NF1: variants seen among roughly 807,000 people sequenced by gnomAD.
NF1 encodes the protein neurofibromin 1.
Under a neutral mutation model 325.7 loss-of-function variants are expected in NF1, and 122 were observed. That is an observed-to-expected ratio of 0.37 (90% CI 0.32 to 0.44). The LOEUF (loss-of-function observed/expected upper bound fraction) is 0.44. Ranked by LOEUF, NF1 falls within the 20% of genes least tolerant of loss-of-function variation. NF1 has a pLI of 1.00. For missense variants in NF1, 2,140 were observed against 3,415.4 expected (o/e 0.63, Z 9.31); for synonymous variants, 1,091 against 1,186.0 (o/e 0.92, Z 1.65).
chr17:31,283,097 G>GT (rs2068153149), intron 36 of NF1, among the ~76,000 whole-genome samples: 1 of 152,114 alleles, frequency 6.6e-6, no homozygotes, highest in African/African-American at 2.4e-5. Flanking sequence ...GAGAATCTAG[G>GT]TTTTGTATGT....
At chr17:31,214,724 G>A (rs991909632) in intron 13 of NF1, 139 bp downstream of exon 13, 67 of 705,846 alleles carry the variant, frequency 9.5e-5, no homozygotes, top group Middle Eastern at 7.6e-4. Context: ...AAACTAAGAC[G>A]TCTCTAAGAA....
At chr17:31,172,350 T>C (rs1252045641) in intron 5 of NF1, among the ~76,000 whole-genome samples, 1 of 38,538 alleles carries the variant, frequency 2.6e-5, no homozygotes, top group African/African-American at 4.4e-5. Context: ...TCTGTCTCTC[T>C]GTCTCTCTCT....
At chr17:31,127,315 T>C (rs1012451729) in intron 1 of NF1, among the ~76,000 whole-genome samples, 4 of 152,190 alleles carry the variant, frequency 2.6e-5, no homozygotes, top group Non-Finnish European at 4.4e-5. Context: ...GGATTTTGAA[T>C]GGTATTGCAT....
At chr17:31,301,539 A>C (rs1162644467) in intron 36 of NF1, among the ~76,000 whole-genome samples, 14 of 152,182 alleles carry the variant, frequency 9.2e-5, no homozygotes, top group Non-Finnish European at 1.3e-4. Context: ...TTCAGTAAGA[A>C]CAACAGTTAA....
At chr17:31,320,258 AGATTT>A in intron 36 of NF1, 1 of 742,630 alleles carries the variant, frequency 1.3e-6, no homozygotes, top group Admixed American at 3.2e-5. Context: ...TGTTCTCCTG[AGATTT>A]ACTAAATGAA....
intron 1 of NF1, among the ~76,000 whole-genome samples, chr17:31,107,582 AAAAT>A (rs945041929): frequency 1.2e-4 from 19 of 152,030 alleles, no homozygotes; most frequent in Non-Finnish European, 1.2e-4. Flanking sequence ...TGTCTCTGAA[AAAAT>A]AAATAAATAA....
intron 35 of NF1, 139 bp downstream of exon 35, chr17:31,261,996 C>G: frequency 2.7e-6 from 2 of 731,996 alleles, no homozygotes; most frequent in Non-Finnish European, 4.6e-6. Context: ...TTTGGGGAAT[C>G]CAACTATATA....
chr17:31,216,940 G>A (rs1429193778), intron 13 of NF1, among the ~76,000 whole-genome samples: 1 of 152,012 alleles, frequency 6.6e-6, no homozygotes, highest in Non-Finnish European at 1.5e-5. Flanking sequence ...CTGCACTAAG[G>A]AAGCCTCCCT....
intron 1 of NF1, among the ~76,000 whole-genome samples, chr17:31,100,632 C>T (rs1388206124): frequency 1.3e-5 from 2 of 152,024 alleles, no homozygotes; most frequent in Non-Finnish European, 2.9e-5. Context: ...TGCAGTGGCG[C>T]GATCTCAGCT....
In NF1 at chr17:31,152,474, A is replaced by C. The variant is rs1023377190; in HGVS notation, c.61-3509A>C. 4.0e-5 allele frequency among the ~76,000 whole-genome samples: 5 copies of C among 125,680 alleles called. No individual in the cohort carries two copies. In the East Asian group the frequency reaches 1.1e-3, roughly 28 times the overall value. 82.5% of individuals were successfully genotyped at this position (125,680 alleles called of 152,430 possible). Reference sequence around the variant, plus strand: ...TCTTCTTTTTCTATCTTTTTTTGTCACTTTATTGTAAATTTTTATTATCTC... The same window carrying C: ...TCTTCTTTTTCTATCTTTTTTTGTCCCTTTATTGTAAATTTTTATTATCTC... On this transcript the variant is annotated intron_variant, in intron 1 of 57. Transcript: ENST00000358273.
chr17:31,294,933 T>G, intron 36 of NF1: 1 of 1,581,412 alleles, frequency 6.3e-7, no homozygotes, highest in South Asian at 1.1e-5. Context: ...CTCGAATCAC[T>G]GGTTAGATAT....
At chr17:31,326,627 A>G (rs908211216) in intron 37 of NF1, among the ~76,000 whole-genome samples, 3 of 152,160 alleles carry the variant, frequency 2.0e-5, no homozygotes, top group African/African-American at 4.8e-5. Context: ...AGCCTGGGCA[A>G]CAGAGGGACG....
In NF1 at chr17:31,352,278, A is replaced by G. The variant is rs144957306; in HGVS notation, c.7479A>G (p.Pro2493=). Residue 2493 remains proline (P), a synonymous_variant, in exon 51 of 58, where the codon CCA becomes CCG. Transcript: ENST00000358273. ...TCAGGACACTAAAGGAGACTCAGCCATGGTCCTCTCCCAAAGGTTCTGAAG... is the reference window on the plus strand; with the variant it reads ...TCAGGACACTAAAGGAGACTCAGCCGTGGTCCTCTCCCAAAGGTTCTGAAG... ...PSYRTLKETQ[P]WSSPKGSEGY... is the part of the protein sequence containing the mutation. The G allele has an allele frequency of 1.4e-5, 23 of 1,613,970 alleles. No individual in the cohort carries two copies. Among genetic ancestry groups the G allele is most frequent in the Non-Finnish European group, 1.9e-5 (22 of 1,179,988 alleles).
intron 8 of NF1, among the ~76,000 whole-genome samples, chr17:31,189,356 C>T (rs1597667919): frequency 6.6e-6 from 1 of 151,998 alleles, no homozygotes; most frequent in African/African-American, 2.4e-5. Context: ...ATCTCTCTTC[C>T]CAGAAGATAT....
At chr17:31,364,189 T>C (rs1208308031) in intron 57 of NF1, among the ~76,000 whole-genome samples, 4 of 152,198 alleles carry the variant, frequency 2.6e-5, no homozygotes, top group Non-Finnish European at 5.9e-5. Context: ...AGCAGCCAAG[T>C]CTCAAGCAGT....
chr17:31,156,753 C>T (rs532660829), intron 2 of NF1, among the ~76,000 whole-genome samples: 12 of 152,224 alleles, frequency 7.9e-5, no homozygotes, highest in African/African-American at 2.2e-4. Context: ...AATCGATTGA[C>T]GTTTCCTAGA....
At chr17:31,251,407 A>G (rs558720584) in intron 30 of NF1, 5 of 199,284 alleles carry the variant, frequency 2.5e-5, no homozygotes, top group Non-Finnish European at 4.2e-5. Flanking sequence ...AACCAGCTCT[A>G]TTACTTTATA....
At chr17:31,296,608 C>A (rs2068471566) in intron 36 of NF1, 1 of 425,500 alleles carries the variant, frequency 2.4e-6, no homozygotes, top group Admixed American at 3.5e-5. Context: ...CCTTTTCTAA[C>A]CATATTCTTT....
chr17:31,336,083 A>G lies in NF1; in HGVS notation c.6007-250A>G, dbSNP rs973905807. On this transcript the variant is annotated intron_variant, in intron 40 of 57. Transcript: ENST00000358273. This position sits in a 1 kb window ranked among gnomAD's most constrained non-coding sequence, Gnocchi z 5.5. ...TTGCAAGTGACTGAAGATAGTATTG[A>G]TAGAGATTTAAAATTTTTGAATACC... Among the ~76,000 whole-genome samples, 12 of 152,146 alleles carry G rather than the reference A, an allele frequency of 7.9e-5. No homozygotes were observed. Among genetic ancestry groups the G allele is most frequent in the African/African-American group, 2.7e-4 (11 of 41,448 alleles).
Sources: allele counts gnomAD v4.1 joint callset (sites outside exome capture counted in the v4.1 genomes callset), GRCh38; gene constraint gnomAD v4.1.1; non-coding constraint Gnocchi (gnomAD v3.1); transcripts MANE v1.5; gene names NCBI Gene and HGNC (gene_info 2026-07-23, HGNC 2026-07-21).